CNMD: variants seen among roughly 807,000 people sequenced by gnomAD.
CNMD encodes the protein leukocyte cell-derived chemotaxin 1.
CNMD carries 30 observed loss-of-function variants against 37.5 expected under a neutral mutation model. That is an observed-to-expected ratio of 0.80 (90% confidence interval 0.60 to 1.09). The LOEUF (loss-of-function observed/expected upper bound fraction) is 1.09, where lower values mean the gene tolerates loss of function less well. CNMD is among the 50% of genes least tolerant of loss of function. The pLI is 0.00. For missense variants in CNMD, 398 were observed against 423.9 expected, an observed-to-expected ratio of 0.94 and a Z score of 0.54; for synonymous variants, 167 against 148.2, an observed-to-expected ratio of 1.13 and a Z score of -0.92.
chr13:52,721,589 A>G (rs1594283739), intron 4 of CNMD, among the ~76,000 whole-genome samples: 1 of 152,206 alleles, frequency 6.6e-6, no homozygotes, highest in East Asian at 1.9e-4. Flanking sequence ...TCTATGCCCC[A>G]CCCTGCTTTG....
In CNMD at chr13:52,739,068, A is replaced by C. The variant is rs779929918; in HGVS notation, c.176T>G (p.Ile59Ser). ...SGAVLLLFGA[I>S]GAFYFWKGSD... ...CCCCTTCCAGAAGTAGAAGGCCCCG[A>C]TGGCCCCAAAGAGCAGCAGCACAGC... Residue 59 changes from isoleucine to serine, a missense_variant, in exon 2 of 7, where the codon ATC becomes AGC. Physicochemically the swap from Ile to Ser is moderately radical, Grantham distance 142. Transcript: ENST00000377962. This position sits in a 1 kb window ranked among gnomAD's most constrained non-coding sequence, Gnocchi z 5.4. 6.3e-7 allele frequency: 1 copy of C among 1,580,498 alleles called. No individual in the cohort carries two copies. The highest frequency in any genetic ancestry group is 1.8e-5 in the Admixed American group (1 of 55,826).
chr13:52,704,908 A>AT (rs1964149224), intron 6 of CNMD, among the ~76,000 whole-genome samples: 3 of 150,984 alleles, frequency 2.0e-5, no homozygotes, highest in East Asian at 2.0e-4. Flanking sequence ...TCTACTAAAA[A>AT]ATTAGCCAGG....
intron 2 of CNMD, among the ~76,000 whole-genome samples, chr13:52,734,223 A>G (rs1302578917): frequency 1.3e-5 from 2 of 152,222 alleles, no homozygotes; most frequent in African/African-American, 4.8e-5. Context: ...GTTGGACCTC[A>G]TAGGTGGCTT....
At position 52,708,543 on chromosome 13, in the gene CNMD, G is replaced by A; in HGVS notation, c.782C>T (p.Pro261Leu). The A allele has an allele frequency of 1.2e-6, 2 of 1,608,744 alleles. No individual in the cohort carries two copies. The highest frequency in any genetic ancestry group is 1.7e-6 in the Non-Finnish European group (2 of 1,178,476). Residue 261 changes from proline (P) to leucine (L), a missense_variant, in exon 6 of 7, where the codon CCT (proline) becomes CTT (leucine). Transcript: ENST00000377962. Reference protein sequence around the residue: ...EDSQAFNPDNPYHQQEGESMT... With the variant: ...EDSQAFNPDNLYHQQEGESMT... Reference sequence around the variant, plus strand: ...AAAAGCACCGGAACGCACATGATAAGGATTATCAGGATTGAAGGCTTGTGA... The same window carrying A: ...AAAAGCACCGGAACGCACATGATAAAGATTATCAGGATTGAAGGCTTGTGA...
intron 6 of CNMD, among the ~76,000 whole-genome samples, chr13:52,707,068 AT>A (rs1964193575): frequency 6.6e-6 from 1 of 151,722 alleles, no homozygotes; most frequent in Admixed American, 6.6e-5. Context: ...AATTTTTTGT[AT>A]TTTTAGTAGA....
At chr13:52,724,228 A>G (rs1964532757) in intron 3 of CNMD, 118 bp from the exon 4 acceptor site, 1 of 735,226 alleles carries the variant, frequency 1.4e-6, no homozygotes, top group Admixed American at 2.1e-5. Context: ...AACAAAAGAG[A>G]TGGAACTGCC....
chr13:52,737,108 A>G (rs1964782188), intron 2 of CNMD, among the ~76,000 whole-genome samples: 1 of 152,182 alleles, frequency 6.6e-6, no homozygotes, highest in Admixed American at 6.5e-5. Context: ...GGCACAGATA[A>G]TCCCCAAAGA....
chr13:52,729,885 T>C (rs527362355), intron 3 of CNMD, among the ~76,000 whole-genome samples: 70 of 152,222 alleles, frequency 4.6e-4, no homozygotes, highest in African/African-American at 1.6e-3. Flanking sequence ...ATGTGCAGGT[T>C]TGTTACATAT....
In CNMD at chr13:52,734,806, T is replaced by G. The variant is rs1019102370; in HGVS notation, c.214-1447A>C. Among the ~76,000 whole-genome samples the G allele has an allele frequency of 5.3e-5, 8 of 152,350 alleles. No homozygotes were observed. In the East Asian group the frequency reaches 1.5e-3, roughly 29 times the overall value. On this transcript the variant is annotated intron_variant, in intron 2 of 6. Transcript: ENST00000377962. ...CTTCCTCATTATGAAGAGTGACTGC[T>G]ACATGCACAAACACTGGAAAAAGGA...
At chr13:52,736,019 A>C (rs1943581202) in intron 2 of CNMD, among the ~76,000 whole-genome samples, 1 of 148,580 alleles carries the variant, frequency 6.7e-6, no homozygotes, top group South Asian at 2.1e-4. Context: ...TTTGAGACGG[A>C]GTCTTGCTCT....
intron 6 of CNMD, among the ~76,000 whole-genome samples, chr13:52,707,627 C>T (rs543706330): frequency 6.6e-6 from 1 of 152,258 alleles, no homozygotes; most frequent in East Asian, 1.9e-4. Context: ...CATATGTTGC[C>T]TCCAGGGAGC....
chr13:52,710,213 GCTTC>G (rs1368458088), intron 5 of CNMD, among the ~76,000 whole-genome samples: 1 of 152,166 alleles, frequency 6.6e-6, no homozygotes, highest in Non-Finnish European at 1.5e-5. Context: ...GCCATTGGTA[GCTTC>G]CACAGATAGC....
chr13:52,710,898 G>T (rs1277421389), intron 5 of CNMD, among the ~76,000 whole-genome samples: 1 of 152,166 alleles, frequency 6.6e-6, no homozygotes, highest in African/African-American at 2.4e-5. Flanking sequence ...TTCCCCAAGT[G>T]AGAAATTACT....
At chr13:52,716,976 A>G (rs1437849185) in intron 4 of CNMD, among the ~76,000 whole-genome samples, 1 of 152,216 alleles carries the variant, frequency 6.6e-6, no homozygotes, top group African/African-American at 2.4e-5. Flanking sequence ...CTTCACATCC[A>G]TGAGCATGGA....
intron 2 of CNMD, 99 bp from the exon 3 acceptor site, chr13:52,733,458 G>T: frequency 1.0e-6 from 1 of 956,414 alleles, no homozygotes. Context: ...ATATGTTTCA[G>T]AGATACATGA....
intron 2 of CNMD, among the ~76,000 whole-genome samples, chr13:52,736,116 C>T (rs1964757707): frequency 6.6e-6 from 1 of 152,158 alleles, no homozygotes; most frequent in African/African-American, 2.4e-5. Flanking sequence ...GCCTCAGCCT[C>T]CCAGGTAGCT....
intron 5 of CNMD, 108 bp from the exon 6 acceptor site, chr13:52,708,810 A>G: frequency 1.1e-6 from 1 of 912,882 alleles, no homozygotes; most frequent in Middle Eastern, 2.7e-4. Context: ...ATTTGTGCAT[A>G]ACCAGATGGC....
intron 4 of CNMD, among the ~76,000 whole-genome samples, chr13:52,718,743 G>A (rs1474013743): frequency 6.6e-6 from 1 of 151,860 alleles, no homozygotes; most frequent in Non-Finnish European, 1.5e-5. Flanking sequence ...TTGCTGAGGA[G>A]TGTTTTTCTT....
intron 3 of CNMD, among the ~76,000 whole-genome samples, chr13:52,730,911 C>T (rs781691428): frequency 2.0e-5 from 3 of 152,090 alleles, no homozygotes; most frequent in Admixed American, 6.6e-5. Flanking sequence ...GGGTCCTGGA[C>T]GAACCGGGGA....
Sources: gnomAD v4.1 joint callset for allele counts (sites outside exome capture counted in the v4.1 genomes callset) on GRCh38, gnomAD v4.1.1 for gene constraint, Gnocchi (gnomAD v3.1) non-coding constraint, MANE v1.5 for transcripts, NCBI Gene and HGNC (gene_info 2026-07-23, HGNC 2026-07-21) for gene names.